Variants in PARPBP observed in about 807,000 individuals in gnomAD.
The protein encoded by PARPBP is PCNA-interacting partner.
PARPBP carries 52 observed loss-of-function variants against 50.0 expected under a neutral mutation model. That is an observed-to-expected ratio of 1.04 (90% confidence interval 0.83 to 1.31). The LOEUF (loss-of-function observed/expected upper bound fraction) is 1.31. Among genes scored for constraint, PARPBP ranks in the 50% most tolerant of loss-of-function variants. The pLI is 0.00. For synonymous variants in PARPBP, 244 were observed against 232.1 expected (o/e 1.05, Z -0.47); for missense variants, 697 against 672.0 (o/e 1.04, Z -0.41).
intron 2 of PARPBP, among the ~76,000 whole-genome samples, chr12:102,132,146 A>T (rs1408173820): frequency 2.6e-5 from 4 of 152,096 alleles, no homozygotes; most frequent in Non-Finnish European, 5.9e-5. Context: ...TGGAGGTTGC[A>T]GTAAGCTGAA....
intron 2 of PARPBP, among the ~76,000 whole-genome samples, chr12:102,136,500 A>G (rs534049450): frequency 2.0e-5 from 3 of 152,238 alleles, no homozygotes; most frequent in African/African-American, 4.8e-5. Flanking sequence ...GAATTTTCAC[A>G]TACTGAAATA....
intron 9 of PARPBP, among the ~76,000 whole-genome samples, chr12:102,183,843 G>C (rs1469751659): frequency 1.3e-5 from 2 of 151,910 alleles, no homozygotes; most frequent in Non-Finnish European, 2.9e-5. Context: ...GGGAAGCCAA[G>C]GCAGGCAGAT....
intron 9 of PARPBP, among the ~76,000 whole-genome samples, chr12:102,192,674 C>T (rs1382447230): frequency 6.6e-6 from 1 of 151,920 alleles, no homozygotes; most frequent in East Asian, 1.9e-4. Context: ...TGGTTCTAGC[C>T]TTCTGAAATC....
chr12:102,172,522 ATGG>A (rs1888859201), intron 6 of PARPBP, among the ~76,000 whole-genome samples: 1 of 152,208 alleles, frequency 6.6e-6, no homozygotes, highest in Non-Finnish European at 1.5e-5. Context: ...AGCTAACCTA[ATGG>A]TGGCTCTAGA....
intron 9 of PARPBP, 42 bp downstream of exon 9, chr12:102,182,669 T>C (rs763764418): frequency 1.1e-5 from 14 of 1,290,610 alleles, no homozygotes; most frequent in Non-Finnish European, 1.6e-5. Context: ...AACACTGTTT[T>C]ATTTTTAGAA....
intron 1 of PARPBP, among the ~76,000 whole-genome samples, chr12:102,121,527 T>A (rs1436473554): frequency 6.6e-6 from 1 of 151,048 alleles, no homozygotes; most frequent in African/African-American, 2.4e-5. Context: ...CTTGGTTTTC[T>A]GTCACCATAG....
rs572171028 is a variant in PARPBP, at chr12:102,149,399, C to T, written c.387+936C>T. 5.9e-5 allele frequency among the ~76,000 whole-genome samples: 9 copies of T among 152,300 alleles called. No individual in the cohort carries two copies. The South Asian group carries it at 1.2e-3, about 21-fold the overall frequency. On this transcript the variant is annotated intron_variant, in intron 3 of 10. Transcript: ENST00000327680. ...AGAGACCTGGACTTTTTCTATCATT[C>T]TGCTCGCCCATTTTAGTCCTTGGTT... is the stretch of plus-strand genomic sequence containing the variant.
Position 102,195,454 on chromosome 12 carries a change from G to A in PARPBP, c.1399+7G>A. 1 of 1,572,418 alleles carries A rather than the reference G, an allele frequency of 6.4e-7. No individual in the cohort carries two copies. Among genetic ancestry groups the A allele is most frequent in the South Asian group, 1.2e-5 (1 of 85,102 alleles). ...ATGGAAAATGACCTTTCTGGTAATTGACCTTATTTGTGCAATTAAATAACA... is the reference window on the plus strand; with the variant it reads ...ATGGAAAATGACCTTTCTGGTAATTAACCTTATTTGTGCAATTAAATAACA... On this transcript the variant is annotated splice_region_variant and intron_variant, in intron 10 of 10. Transcript: ENST00000327680.
intron 4 of PARPBP, among the ~76,000 whole-genome samples, chr12:102,158,562 G>T (rs1184279635): frequency 6.6e-6 from 1 of 152,042 alleles, no homozygotes; most frequent in African/African-American, 2.4e-5. Flanking sequence ...GCCCAGACCT[G>T]GTTCCTTTTA....
intron 2 of PARPBP, among the ~76,000 whole-genome samples, chr12:102,134,371 C>G (rs1467487764): frequency 6.6e-6 from 1 of 151,996 alleles, no homozygotes; most frequent in Non-Finnish European, 1.5e-5. Context: ...GGATAAATTC[C>G]TTGACACGTA....
At position 102,196,178 on chromosome 12, in the gene PARPBP, T is replaced by C. The variant is rs1213859362; in HGVS notation, c.1627T>C (p.Ser543Pro). The change falls in exon 11 of 11, where the codon TCA becomes CCA. Residue 543 changes from serine (S) to proline (P), a missense_variant. Ser to Pro is a moderately conservative substitution (Grantham distance 74). Transcript: ENST00000327680. ...NAKIPKKSNDSQNRLYGKLAK... is the reference protein window; with the variant it reads ...NAKIPKKSNDPQNRLYGKLAK... Reference sequence around the variant, plus strand: ...TAAAATACCTAAGAAATCAAATGATTCACAGAATAGATTGTACGGCAAACT... The same window carrying C: ...TAAAATACCTAAGAAATCAAATGATCCACAGAATAGATTGTACGGCAAACT... The C allele has an allele frequency of 1.9e-6, 3 of 1,611,838 alleles. No homozygotes were observed. Among genetic ancestry groups the C allele is most frequent in the Non-Finnish European group, 2.5e-6 (3 of 1,178,366 alleles).
At chr12:102,191,574 CTA>C (rs1156569702) in intron 9 of PARPBP, among the ~76,000 whole-genome samples, 2 of 152,108 alleles carry the variant, frequency 1.3e-5, no homozygotes, top group East Asian at 1.9e-4. Flanking sequence ...CTCTGAGTGT[CTA>C]TGACTTTTCA....
Position 102,195,969 on chromosome 12 carries a change from T to C in PARPBP, c.1418T>C (p.Val473Ala), listed in dbSNP as rs760836390. The C allele has an allele frequency of 7.5e-6, 12 of 1,602,028 alleles. No homozygotes were observed. In the African/African-American group the frequency reaches 8.1e-5, roughly 11 times the overall value. ...NDLSEGVNPS[V>A]GRSTIGTSFG... is the part of the protein sequence containing the mutation. ...ATAACAGAGGGTGTAAATCCATCTG[T>C]TGGAAGATCAACAATTGGAACGAGT... Residue 473 changes from valine (V) to alanine (A), a missense_variant, in exon 11 of 11, where the codon GTT (valine) becomes GCT (alanine). By Grantham distance (64) the Val-to-Ala change is moderately conservative. Transcript: ENST00000327680.
At chr12:102,180,852 C>G (rs915725998) in intron 8 of PARPBP, among the ~76,000 whole-genome samples, 31 of 152,296 alleles carry the variant, frequency 2.0e-4, no homozygotes, top group Middle Eastern at 3.4e-3. Context: ...GTGGTCTACA[C>G]TGAAATGATA....
chr12:102,124,440 A>G (rs1411743157), intron 2 of PARPBP, among the ~76,000 whole-genome samples: 1 of 152,190 alleles, frequency 6.6e-6, no homozygotes, highest in Non-Finnish European at 1.5e-5. Flanking sequence ...GATACTGGAA[A>G]CTGCCTTTAA....
At position 102,132,223 on chromosome 12, in the gene PARPBP, AAAG is replaced by A. The variant is rs59926105; in HGVS notation, c.153+8185_153+8187del. Among the ~76,000 whole-genome samples the A allele has an allele frequency of 3.1e-3, 475 of 152,200 alleles. 2 individuals carry two copies. The highest frequency in any genetic ancestry group is 0.011 in the African/African-American group (443 of 41,512). On this transcript the variant is annotated intron_variant, in intron 2 of 10. Coordinates refer to ENST00000327680, the MANE Select transcript of PARPBP (RefSeq NM_017915.5). ...GAGACCCTGTCTCAAAAAAAAAAAA[AAAG>A]AATCTGTACAACAAACCCCTATGAC...
At chr12:102,145,406 CATG>C (rs1246687446) in intron 2 of PARPBP, among the ~76,000 whole-genome samples, 1 of 151,982 alleles carries the variant, frequency 6.6e-6, no homozygotes, top group African/African-American at 2.4e-5. Context: ...ATTTAGTACT[CATG>C]GTGTATTAAA....
At chr12:102,162,382 G>GA (rs1887694430) in intron 4 of PARPBP, among the ~76,000 whole-genome samples, 2 of 152,290 alleles carry the variant, frequency 1.3e-5, no homozygotes, top group African/African-American at 4.8e-5. Context: ...TAGAATTCGT[G>GA]AGTCTGTTAT....
chr12:102,166,649 G>A (rs887791338), intron 6 of PARPBP, among the ~76,000 whole-genome samples: 3 of 152,072 alleles, frequency 2.0e-5, no homozygotes, highest in Admixed American at 1.3e-4. Flanking sequence ...AAAACACAGG[G>A]ATCAAGTAAC....
Sources: gnomAD v4.1 joint callset for allele counts (sites outside exome capture counted in the v4.1 genomes callset) on GRCh38, gnomAD v4.1.1 for gene constraint, MANE v1.5 for transcripts, NCBI Gene and HGNC (gene_info 2026-07-23, HGNC 2026-07-21) for gene names.